Variants in CSMD1 observed in about 807,000 individuals in gnomAD.
The protein encoded by CSMD1 is CUB and sushi domain-containing protein 1.
CSMD1 carries 213 observed loss-of-function variants against 417.5 expected under a neutral mutation model. The observed-to-expected ratio is 0.51, with a 90% CI of 0.46 to 0.57. The LOEUF is 0.57. CSMD1 is among the 20% of genes least tolerant of loss of function. The pLI, the probability that CSMD1 is intolerant of heterozygous loss-of-function variation, is 0.00. For missense variants in CSMD1, 6,923 were observed against 4,529.7 expected, an observed-to-expected ratio of 1.53 and a Z score of -15.17; for synonymous variants, 2,862 against 1,736.8, an observed-to-expected ratio of 1.65 and a Z score of -16.11.
intron 51 of CSMD1, among the ~76,000 whole-genome samples, chr8:3,028,044 G>A (rs752046134): frequency 1.4e-4 from 21 of 152,218 alleles, no homozygotes; most frequent in Non-Finnish European, 2.9e-4. Flanking sequence ...CAGGGACACC[G>A]TAGGTGGGCA....
intron 5 of CSMD1, among the ~76,000 whole-genome samples, chr8:3,944,855 C>G (rs1334304055): frequency 6.6e-6 from 1 of 152,174 alleles, no homozygotes; most frequent in Non-Finnish European, 1.5e-5. Context: ...GAGTTGGCCA[C>G]AGCTCTGACA....
chr8:3,289,191 G>A lies in CSMD1; in HGVS notation c.3951-4845C>T, dbSNP rs191787865. Among the ~76,000 whole-genome samples the A allele has an allele frequency of 5.1e-3, 755 of 147,546 alleles. 129 individuals are homozygous for A. Among genetic ancestry groups the A allele is most frequent in the African/African-American group, 0.019 (703 of 37,242 alleles). On this transcript the variant is annotated intron_variant, in intron 25 of 69. Coordinates refer to ENST00000635120, the MANE Select transcript of CSMD1 (RefSeq NM_033225.6). ...TTATGGCTGCATAGTATTCCATGGT[G>A]TATATGTGCCACATTTTCTTAATCC...
At chr8:3,858,673 CTTTT>C (rs35672053) in intron 5 of CSMD1, among the ~76,000 whole-genome samples, 1 of 149,684 alleles carries the variant, frequency 6.7e-6, no homozygotes. Context: ...TTCAGGAGAA[CTTTT>C]TTTTTTTCTG....
chr8:4,764,739 G>C (rs972661201), intron 1 of CSMD1, among the ~76,000 whole-genome samples: 19 of 150,928 alleles, frequency 1.3e-4, no homozygotes, highest in African/African-American at 4.6e-4. Context: ...CGGGTGTTGT[G>C]GCGGCTGCCT....
At chr8:3,652,642 C>G (rs1479139159) in intron 7 of CSMD1, among the ~76,000 whole-genome samples, 1 of 152,174 alleles carries the variant, frequency 6.6e-6, no homozygotes, top group African/African-American at 2.4e-5. Flanking sequence ...ATGGAACCAT[C>G]AGATCTCGTG....
At chr8:4,140,430 G>A (rs1456620777) in intron 3 of CSMD1, among the ~76,000 whole-genome samples, 1 of 150,958 alleles carries the variant, frequency 6.6e-6, no homozygotes, top group South Asian at 2.1e-4. Context: ...CCTGGGAAGT[G>A]GAGGTTGCCG....
chr8:4,287,818 C>T (rs1280396315), intron 3 of CSMD1, among the ~76,000 whole-genome samples: 1 of 151,978 alleles, frequency 6.6e-6, no homozygotes, highest in Admixed American at 6.6e-5. Context: ...CTCTGTGGCC[C>T]ACTGAATGCA....
intron 3 of CSMD1, among the ~76,000 whole-genome samples, chr8:4,353,990 C>A (rs139082876): frequency 6.6e-6 from 1 of 152,172 alleles, no homozygotes; most frequent in Non-Finnish European, 1.5e-5. Flanking sequence ...TTTTTCCTAA[C>A]ACCTGCGTGG....
intron 3 of CSMD1, among the ~76,000 whole-genome samples, chr8:4,088,365 C>T (rs1039626839): frequency 6.6e-6 from 1 of 152,224 alleles, no homozygotes; most frequent in South Asian, 2.1e-4. Context: ...ACGGAAACGT[C>T]TTACTTTTGC....
chr8:3,550,427 C>T (rs1272477922), intron 10 of CSMD1, among the ~76,000 whole-genome samples: 1 of 152,130 alleles, frequency 6.6e-6, no homozygotes, highest in Non-Finnish European at 1.5e-5. Flanking sequence ...AGCAGACAGC[C>T]CTCAATATAA....
intron 1 of CSMD1, among the ~76,000 whole-genome samples, chr8:4,801,323 G>A (rs1178083359): frequency 6.6e-6 from 1 of 152,128 alleles, no homozygotes; most frequent in African/African-American, 2.4e-5. Flanking sequence ...GGGTGGAAGT[G>A]GAAGATGTGA....
chr8:3,939,354 G>C (rs942298711), intron 5 of CSMD1, among the ~76,000 whole-genome samples: 2 of 152,056 alleles, frequency 1.3e-5, no homozygotes, highest in Non-Finnish European at 2.9e-5. Context: ...AAAAAGTCAA[G>C]AAAATATAAA....
At chr8:2,978,875 G>T in intron 54 of CSMD1, 75 bp from the exon 55 acceptor site, 1 of 1,271,874 alleles carries the variant, frequency 7.9e-7, no homozygotes, top group Non-Finnish European at 1.1e-6. Context: ...AAATGAAGGC[G>T]AATTCCTCAT....
intron 4 of CSMD1, among the ~76,000 whole-genome samples, chr8:4,003,389 T>C (rs564795477): frequency 2.0e-5 from 3 of 149,010 alleles, no homozygotes; most frequent in African/African-American, 7.4e-5. Context: ...CAAGACACTG[T>C]CTCAATAAAC....
At chr8:3,604,310 C>A (rs980816880) in intron 8 of CSMD1, among the ~76,000 whole-genome samples, 2 of 151,996 alleles carry the variant, frequency 1.3e-5, no homozygotes, top group Admixed American at 6.6e-5. Flanking sequence ...GGGGGGGGAC[C>A]AAAGGTCCAT....
intron 5 of CSMD1, among the ~76,000 whole-genome samples, chr8:3,833,217 T>A (rs557787847): frequency 6.6e-6 from 1 of 152,150 alleles, no homozygotes; most frequent in Non-Finnish European, 1.5e-5. Flanking sequence ...AATTTTTTTG[T>A]CCGTACTGTA....
chr8:3,952,899 C>T lies in CSMD1; in HGVS notation c.818+45004G>A, dbSNP rs541700237. On this transcript the variant is annotated intron_variant, in intron 5 of 69. Transcript: ENST00000635120. ...TCATCTCTAACCCAAGGCAACTCAG[C>T]GAAAGCTGTATTGAGTGCAATTTAT... Among the ~76,000 whole-genome samples the T allele has an allele frequency of 1.2e-4, 19 of 152,124 alleles. No homozygotes were observed. In the East Asian group the frequency reaches 1.4e-3, roughly 11 times the overall value.
chr8:4,483,455 G>T (rs1377220104), intron 2 of CSMD1, among the ~76,000 whole-genome samples: 1 of 152,106 alleles, frequency 6.6e-6, no homozygotes, highest in Non-Finnish European at 1.5e-5. Flanking sequence ...AAACCCCAAT[G>T]CTTTAATATA....
chr8:3,450,353 C>T (rs1290046286), intron 12 of CSMD1, among the ~76,000 whole-genome samples: 1 of 151,834 alleles, frequency 6.6e-6, no homozygotes. Flanking sequence ...GGTACATGTT[C>T]ACAACGTGCA....
Sources: allele counts gnomAD v4.1 joint callset (sites outside exome capture counted in the v4.1 genomes callset), GRCh38; gene constraint gnomAD v4.1.1; transcripts MANE v1.5; gene names NCBI Gene and HGNC (gene_info 2026-07-23, HGNC 2026-07-21).